Variants in COL4A6 observed in about 807,000 individuals in gnomAD.
COL4A6 encodes the protein collagen type IV alpha 6 chain.
A neutral mutation model predicts 126.7 loss-of-function variants in COL4A6; 59 were observed. The observed-to-expected ratio is 0.47, with a 90% CI of 0.38 to 0.58. The LOEUF (loss-of-function observed/expected upper bound fraction) is 0.58. COL4A6 is among the 20% of genes least tolerant of loss of function. The pLI is 0.00. For missense variants in COL4A6, 1,285 were observed against 1,337.3 expected (o/e 0.96, Z 0.61); for synonymous variants, 547 against 496.6 (o/e 1.10, Z -1.35).
intron 2 of COL4A6, among the ~76,000 whole-genome samples, chrX:108,379,387 C>A (rs1207183063): frequency 9.3e-6 from 1 of 107,027 alleles, no homozygotes; most frequent in African/African-American, 3.4e-5. Flanking sequence ...GTAGCTGGGA[C>A]TACATGGGAC....
chrX:108,340,427 G>C (rs1317145676), intron 2 of COL4A6, among the ~76,000 whole-genome samples: 1 of 111,650 alleles, frequency 9.0e-6, no homozygotes, highest in Non-Finnish European at 1.9e-5. Flanking sequence ...TTACTTAGTT[G>C]ACAAGCATGT....
At position 108,320,701 on chromosome X, in the gene COL4A6, T is replaced by A. The variant is rs1008239356; in HGVS notation, c.64-9873A>T. 3.6e-5 allele frequency among the ~76,000 whole-genome samples: 4 copies of A among 112,223 alleles called. No individual in the cohort carries two copies. In the South Asian group the frequency reaches 1.5e-3, roughly 42 times the overall value. ...AAACAAGACAGTCCTTGGAATATAA[T>A]AAATTTGTCTTGAATTAGCACAGTA... is the stretch of plus-strand genomic sequence containing the variant. On this transcript the variant is annotated intron_variant, in intron 2 of 44. Transcript: ENST00000334504.
intron 2 of COL4A6, among the ~76,000 whole-genome samples, chrX:108,425,733 A>AC (rs1429344016): frequency 0.033 from 2,960 of 90,529 alleles, 146 homozygotes; most frequent in African/African-American, 0.11. Flanking sequence ...CACACACACA[A>AC]ACACACACAC....
intron 3 of COL4A6, among the ~76,000 whole-genome samples, chrX:108,254,367 C>T (rs1320811649): frequency 1.8e-5 from 2 of 111,436 alleles, no homozygotes; most frequent in African/African-American, 6.5e-5. Context: ...ACCTGTAATC[C>T]TATGGGCACA....
intron 2 of COL4A6, among the ~76,000 whole-genome samples, chrX:108,316,175 A>G (rs1218899634): frequency 1.8e-5 from 2 of 112,083 alleles, no homozygotes; most frequent in South Asian, 3.7e-4. Flanking sequence ...TATCTTTGTG[A>G]GCAATTTTCT....
chrX:108,327,553 G>T (rs897994018), intron 2 of COL4A6, among the ~76,000 whole-genome samples: 1 of 109,689 alleles, frequency 9.1e-6, no homozygotes, highest in African/African-American at 3.3e-5. Flanking sequence ...AAAAGCACAT[G>T]TATTTTATGT....
intron 2 of COL4A6, among the ~76,000 whole-genome samples, chrX:108,321,184 C>A (rs1190746368): frequency 9.0e-6 from 1 of 111,561 alleles, no homozygotes; most frequent in African/African-American, 3.3e-5. Flanking sequence ...ATGTGGATGC[C>A]TAATAGGTTC....
intron 3 of COL4A6, among the ~76,000 whole-genome samples, chrX:108,233,237 G>C (rs1281598088): frequency 8.9e-6 from 1 of 111,963 alleles, no homozygotes; most frequent in Non-Finnish European, 1.9e-5. Context: ...AGCGATTTTT[G>C]CTGTAGTGTA....
chrX:108,197,993 A>T (rs1455169959), intron 13 of COL4A6, among the ~76,000 whole-genome samples: 1 of 111,643 alleles, frequency 9.0e-6, no homozygotes, highest in Non-Finnish European at 1.9e-5. Context: ...AAACCAAGGC[A>T]TGCTGCGACT....
At chrX:108,361,039 G>A (rs1219049796) in intron 2 of COL4A6, among the ~76,000 whole-genome samples, 1 of 111,169 alleles carries the variant, frequency 9.0e-6, no homozygotes, top group Non-Finnish European at 1.9e-5. Context: ...CATGATGATA[G>A]TCTACAGGAT....
intron 3 of COL4A6, among the ~76,000 whole-genome samples, chrX:108,286,113 T>A (rs1012048384): frequency 8.9e-6 from 1 of 111,985 alleles, no homozygotes; most frequent in Admixed American, 9.5e-5. Context: ...ATGATAAACA[T>A]GTGCATAAGT....
intron 3 of COL4A6, among the ~76,000 whole-genome samples, chrX:108,263,593 A>G (rs2037222362): frequency 8.9e-6 from 1 of 112,045 alleles, no homozygotes. Context: ...ATTCTTATGA[A>G]GCCATCCTGG....
intron 11 of COL4A6, 71 bp downstream of exon 11, chrX:108,205,368 C>A (rs1342709719): frequency 2.3e-6 from 2 of 851,938 alleles, no homozygotes; most frequent in South Asian, 2.1e-5. Context: ...CACAAGCAGG[C>A]ACATGTGTGT....
At chrX:108,178,396 A>G (rs1044256670) in intron 27 of COL4A6, among the ~76,000 whole-genome samples, 4 of 112,197 alleles carry the variant, frequency 3.6e-5, no homozygotes, top group Non-Finnish European at 7.5e-5. Flanking sequence ...TGGCTTCTCT[A>G]ACTGGGGAGG....
intron 42 of COL4A6, 111 bp downstream of exon 42, chrX:108,161,503 AGCTCT>A (rs1267743836): frequency 1.0e-5 from 5 of 490,472 alleles, no homozygotes; most frequent in Non-Finnish European, 1.8e-5. Flanking sequence ...AGGAGTGTCA[AGCTCT>A]ACCACTGGGT....
chrX:108,245,508 G>C (rs181219897), intron 3 of COL4A6, among the ~76,000 whole-genome samples: 1 of 111,900 alleles, frequency 8.9e-6, no homozygotes, highest in Non-Finnish European at 1.9e-5. Flanking sequence ...GCAAAAGCTC[G>C]AGATTGCTAA....
chrX:108,172,652 G>T, intron 31 of COL4A6, 120 bp from the exon 32 acceptor site: 1 of 524,673 alleles, frequency 1.9e-6, no homozygotes, highest in South Asian at 5.2e-5. Flanking sequence ...TCTGTGGCAA[G>T]GGTGGACTGT....
chrX:108,370,601 T>C (rs935454613), intron 2 of COL4A6, among the ~76,000 whole-genome samples: 1 of 111,700 alleles, frequency 9.0e-6, no homozygotes, highest in African/African-American at 3.3e-5. Context: ...GGACATTATA[T>C]ATAGCTTCTC....
At chrX:108,410,202 C>A (rs2041298510) in intron 2 of COL4A6, among the ~76,000 whole-genome samples, 1 of 111,156 alleles carries the variant, frequency 9.0e-6, no homozygotes, top group Admixed American at 9.6e-5. Context: ...GATTGCATGG[C>A]CACTAAGTCA....
Sources: gnomAD v4.1 joint callset for allele counts (sites outside exome capture counted in the v4.1 genomes callset) on GRCh38, gnomAD v4.1.1 for gene constraint, MANE v1.5 for transcripts, NCBI Gene and HGNC (gene_info 2026-07-23, HGNC 2026-07-21) for gene names.